The following PCDHA5 variants were observed in gnomAD, a reference collection of about 807,000 sequenced individuals.
The protein encoded by PCDHA5 is protocadherin alpha 5.
PCDHA5 carries 43 observed loss-of-function variants against 61.6 expected under a neutral mutation model. The observed-to-expected ratio is 0.70, with a 90% CI of 0.55 to 0.90. The LOEUF is 0.90. Among genes scored for constraint, PCDHA5 ranks in the 40% least tolerant of loss-of-function variants. The pLI, the probability that PCDHA5 is intolerant of heterozygous loss-of-function variation, is 0.00. For synonymous variants in PCDHA5, 627 were observed against 543.9 expected, an observed-to-expected ratio of 1.15 and a Z score of -2.13; for missense variants, 1,298 against 1,222.7, an observed-to-expected ratio of 1.06 and a Z score of -0.92.
intron 1 of PCDHA5, among the ~76,000 whole-genome samples, chr5:140,906,364 C>T (rs2072599872): frequency 6.6e-6 from 1 of 152,184 alleles, no homozygotes; most frequent in African/African-American, 2.4e-5. Context: ...ATTCCCAACC[C>T]AAATGCTATT....
chr5:140,880,168 T>A (rs1287992545), intron 1 of PCDHA5, among the ~76,000 whole-genome samples: 1 of 152,084 alleles, frequency 6.6e-6, no homozygotes, highest in East Asian at 1.9e-4. Flanking sequence ...ATGTTAGAAG[T>A]TAAACATGAA....
intron 1 of PCDHA5, among the ~76,000 whole-genome samples, chr5:140,903,309 A>C (rs1435676177): frequency 6.6e-6 from 1 of 152,226 alleles, no homozygotes; most frequent in Non-Finnish European, 1.5e-5. Context: ...GTATACAATA[A>C]AGACAGCATT....
At chr5:140,875,931 T>C in intron 1 of PCDHA5, 1 of 1,614,176 alleles carries the variant, frequency 6.2e-7, no homozygotes, top group South Asian at 1.1e-5. Flanking sequence ...CTCATTTTCC[T>C]CTAGAGGGCG....
chr5:140,860,946 C>A (rs1196605227), intron 1 of PCDHA5: 8 of 152,212 alleles, frequency 5.3e-5, no homozygotes, highest in African/African-American at 1.9e-4. Context: ...ACCGTGTTAG[C>A]CAGGATGGTC....
chr5:140,998,186 CA>C (rs1323195881), intron 3 of PCDHA5, among the ~76,000 whole-genome samples: 1 of 152,088 alleles, frequency 6.6e-6, no homozygotes, highest in African/African-American at 2.4e-5. Context: ...AAGCACTTTA[CA>C]AGTATTAACT....
intron 1 of PCDHA5, among the ~76,000 whole-genome samples, chr5:140,840,126 A>G (rs1776573004): frequency 6.6e-6 from 1 of 152,062 alleles, no homozygotes; most frequent in African/African-American, 2.4e-5. Flanking sequence ...CTGTACTAAT[A>G]AGGACAGAAA....
chr5:140,927,904 C>T, intron 1 of PCDHA5: 5 of 1,614,202 alleles, frequency 3.1e-6, no homozygotes, highest in Non-Finnish European at 4.2e-6. Flanking sequence ...CGATCATGCC[C>T]CCGAACTGGA....
chr5:140,877,684 A>T, intron 1 of PCDHA5: 1 of 1,613,768 alleles, frequency 6.2e-7, no homozygotes, highest in Non-Finnish European at 8.5e-7. Context: ...GGGCAAGCCC[A>T]CGCTGGTGTG....
At chr5:140,876,395 T>C (rs1562712555) in intron 1 of PCDHA5, 2 of 1,613,920 alleles carry the variant, frequency 1.2e-6, no homozygotes, top group Non-Finnish European at 8.5e-7. Flanking sequence ...TATGGTGAAC[T>C]GGATTTTGAA....
chr5:140,991,075 G>A (rs2097430816), intron 3 of PCDHA5, among the ~76,000 whole-genome samples: 1 of 152,134 alleles, frequency 6.6e-6, no homozygotes, highest in Non-Finnish European at 1.5e-5. Flanking sequence ...CCATGTTTCA[G>A]ATAAAAAAAT....
chr5:140,945,455 A>G (rs2093793181), intron 1 of PCDHA5, among the ~76,000 whole-genome samples: 1 of 152,192 alleles, frequency 6.6e-6, no homozygotes, highest in African/African-American at 2.4e-5. Flanking sequence ...AACTTCCCTA[A>G]AATTTGCATG....
At chr5:140,928,489 C>A in intron 1 of PCDHA5, 1 of 1,614,152 alleles carries the variant, frequency 6.2e-7, no homozygotes. Context: ...TGGTGGCATT[C>A]CTCCCAGAAG....
chr5:140,924,736 A>C (rs1554202112), intron 1 of PCDHA5, among the ~76,000 whole-genome samples: 1 of 151,866 alleles, frequency 6.6e-6, no homozygotes, highest in Non-Finnish European at 1.5e-5. Flanking sequence ...CTCTAATAAA[A>C]ATACAAAAAT....
intron 1 of PCDHA5, among the ~76,000 whole-genome samples, chr5:140,924,902 A>AAAAAAAT (rs1554202311): frequency 2.8e-4 from 11 of 39,026 alleles, no homozygotes; most frequent in Non-Finnish European, 5.7e-4. Context: ...CTCAAAAAAA[A>AAAAAAAT]AAATAAAATA....
chr5:140,926,903 G>GT, intron 1 of PCDHA5: 1 of 1,558,060 alleles, frequency 6.4e-7, no homozygotes, highest in Non-Finnish European at 8.7e-7. Context: ...ATGGTGGGCT[G>GT]TGGGGTGGCA....
intron 1 of PCDHA5, among the ~76,000 whole-genome samples, chr5:140,971,248 A>G (rs552592175): frequency 6.6e-6 from 1 of 152,330 alleles, no homozygotes; most frequent in East Asian, 1.9e-4. Context: ...AATTTGATAC[A>G]TAAACTATTT....
Position 140,822,344 on chromosome 5 carries a change from T to A in PCDHA5, c.569T>A (p.Phe190Tyr). ...AAAACAAATGAAGAAGAAACGAACT[T>A]TTTAGAGCTGGTTTTGAGGAAATCC... ...DVKTNEEETN[F>Y]LELVLRKSLD... is the part of the protein sequence containing the mutation. Residue 190 changes from phenylalanine to tyrosine, a missense_variant, in exon 1 of 4, where the codon TTT (phenylalanine) becomes TAT (tyrosine). By Grantham distance (22) the Phe-to-Tyr change is conservative (BLOSUM62 3). Coordinates refer to ENST00000529859, the MANE Select transcript of PCDHA5 (RefSeq NM_018908.3). 6.2e-7 allele frequency: 1 copy of A among 1,614,076 alleles called. No homozygotes were observed. The highest frequency in any genetic ancestry group is 1.3e-5 in the African/African-American group (1 of 75,028).
intron 1 of PCDHA5, chr5:140,884,551 G>C (rs782613034): frequency 1.2e-6 from 2 of 1,614,134 alleles, no homozygotes; most frequent in Non-Finnish European, 1.7e-6. Flanking sequence ...TGTGCTCTGG[G>C]GAGGGCCCGC....
At chr5:140,875,958 C>A in intron 1 of PCDHA5, 1 of 1,614,080 alleles carries the variant, frequency 6.2e-7, no homozygotes, top group Middle Eastern at 1.6e-4. Context: ...ATGCGGATAT[C>A]GGCGTAAACT....
Sources: allele counts gnomAD v4.1 joint callset (sites outside exome capture counted in the v4.1 genomes callset), GRCh38; gene constraint gnomAD v4.1.1; transcripts MANE v1.5; gene names NCBI Gene and HGNC (gene_info 2026-07-23, HGNC 2026-07-21).